MACROD2: variants seen among roughly 807,000 people sequenced by gnomAD.
The protein encoded by MACROD2 is ADP-ribose glycohydrolase MACROD2.
Under a neutral mutation model 70.4 loss-of-function variants are expected in MACROD2, and 36 were observed. That is an observed-to-expected ratio of 0.51 (90% confidence interval 0.39 to 0.68). The LOEUF (loss-of-function observed/expected upper bound fraction) is 0.68. Ranked by LOEUF, MACROD2 falls within the 30% of genes least tolerant of loss-of-function variation. MACROD2 has a pLI of 0.00. For synonymous variants in MACROD2, 172 were observed against 178.8 expected (o/e 0.96, Z 0.30); for missense variants, 496 against 538.4 (o/e 0.92, Z 0.78).
intron 8 of MACROD2, among the ~76,000 whole-genome samples, chr20:15,798,318 T>G (rs994299278): frequency 6.6e-6 from 1 of 152,184 alleles, no homozygotes; most frequent in African/African-American, 2.4e-5. Context: ...GGAAGCTCCT[T>G]CATTCACATG....
At chr20:15,137,452 C>T (rs756814896) in intron 5 of MACROD2, among the ~76,000 whole-genome samples, 1,626 of 149,704 alleles carry the variant, frequency 0.011, 12 homozygotes, top group Middle Eastern at 0.088. Flanking sequence ...AGTAAACTAT[C>T]GCAAGGACAA....
intron 5 of MACROD2, among the ~76,000 whole-genome samples, chr20:14,854,811 T>A (rs2073236447): frequency 6.6e-6 from 1 of 151,970 alleles, no homozygotes; most frequent in African/African-American, 2.4e-5. Flanking sequence ...GGCCAGGAGA[T>A]CGAGACCATC....
At chr20:14,686,962 G>C (rs948719644) in intron 5 of MACROD2, among the ~76,000 whole-genome samples, 1 of 152,080 alleles carries the variant, frequency 6.6e-6, no homozygotes, top group Non-Finnish European at 1.5e-5. Context: ...ATGGTGTTTA[G>C]AGCAGTTCTC....
chr20:14,531,775 A>G (rs2085307274), intron 4 of MACROD2, among the ~76,000 whole-genome samples: 1 of 152,178 alleles, frequency 6.6e-6, no homozygotes, highest in African/African-American at 2.4e-5. Flanking sequence ...AGCCATAAGC[A>G]GTCCAGTATC....
chr20:15,562,806 T>C (rs1049284929), intron 8 of MACROD2, among the ~76,000 whole-genome samples: 1 of 152,110 alleles, frequency 6.6e-6, no homozygotes, highest in Non-Finnish European at 1.5e-5. Context: ...ACCTTTGAAT[T>C]GTGTTGAGTA....
chr20:14,327,046 T>C, intron 3 of MACROD2: 1 of 1,613,768 alleles, frequency 6.2e-7, no homozygotes, highest in Non-Finnish European at 8.5e-7. Context: ...TCGGAGATAG[T>C]TGCTGTCTCG....
intron 3 of MACROD2, among the ~76,000 whole-genome samples, chr20:14,455,521 T>C (rs1317362966): frequency 1.3e-5 from 2 of 151,832 alleles, no homozygotes; most frequent in Non-Finnish European, 1.5e-5. Context: ...CCTGCCCCTG[T>C]GGTAACTGAG....
Position 13,995,642 on chromosome 20 carries a change from C to T in MACROD2, c.-122C>T, listed in dbSNP as rs2052625683. The T allele has an allele frequency of 1.1e-6, 1 of 879,338 alleles. No individual in the cohort carries two copies. Among genetic ancestry groups the T allele is most frequent in the Admixed American group, 1.9e-5 (1 of 51,628 alleles). 54.5% of individuals were successfully genotyped at this position (879,338 alleles called of 1,614,324 possible). On this transcript the variant is annotated 5_prime_UTR_variant, in exon 1 of 18. Transcript: ENST00000684519. This position sits in a 1 kb window ranked among gnomAD's most constrained non-coding sequence, Gnocchi z 4.3. ...GGCGAGCGGCGAGCAGCGCAGGACG[C>T]AGAGCCTCTTTCACTTTTTCCCTGC...
chr20:15,539,166 T>C (rs1002263039), intron 8 of MACROD2, among the ~76,000 whole-genome samples: 1 of 152,188 alleles, frequency 6.6e-6, no homozygotes, highest in Non-Finnish European at 1.5e-5. Flanking sequence ...CAATGATAAA[T>C]GTCTTTTGCA....
intron 3 of MACROD2, among the ~76,000 whole-genome samples, chr20:14,480,862 C>T (rs1001423107): frequency 1.1e-4 from 17 of 151,798 alleles, no homozygotes; most frequent in African/African-American, 3.9e-4. Context: ...TACTTACAGT[C>T]GATATAAATA....
At chr20:14,462,748 C>T (rs1300135877) in intron 3 of MACROD2, among the ~76,000 whole-genome samples, 1 of 152,104 alleles carries the variant, frequency 6.6e-6, no homozygotes, top group Non-Finnish European at 1.5e-5. Context: ...CAGCTTTCTA[C>T]ATATGGCTAG....
chr20:14,508,619 G>A (rs1425208730), intron 4 of MACROD2, among the ~76,000 whole-genome samples: 1 of 152,102 alleles, frequency 6.6e-6, no homozygotes, highest in East Asian at 1.9e-4. Flanking sequence ...CATGTTCCAG[G>A]CACCGTTCTA....
chr20:14,331,361 C>A (rs1396773167), intron 3 of MACROD2, among the ~76,000 whole-genome samples: 1 of 152,016 alleles, frequency 6.6e-6, no homozygotes, highest in Non-Finnish European at 1.5e-5. Flanking sequence ...GTTTATTTTA[C>A]CTGTTTTACA....
intron 3 of MACROD2, among the ~76,000 whole-genome samples, chr20:14,131,492 A>G (rs2054717900): frequency 1.3e-5 from 2 of 152,318 alleles, no homozygotes; most frequent in Admixed American, 1.3e-4. Context: ...AAGTGGTACA[A>G]TTGTCTGCAA....
chr20:14,189,851 T>C (rs1024433454), intron 3 of MACROD2, among the ~76,000 whole-genome samples: 3 of 152,220 alleles, frequency 2.0e-5, no homozygotes, highest in African/African-American at 7.2e-5. Flanking sequence ...GGTATTCTTA[T>C]GAAAATCTAA....
At chr20:15,671,791 G>T (rs1390981105) in intron 8 of MACROD2, among the ~76,000 whole-genome samples, 1 of 152,204 alleles carries the variant, frequency 6.6e-6, no homozygotes, top group African/African-American at 2.4e-5. Flanking sequence ...AACAAGTGAG[G>T]TTGAGTCTGT....
At chr20:14,242,496 G>A (rs2081937904) in intron 3 of MACROD2, among the ~76,000 whole-genome samples, 1 of 152,244 alleles carries the variant, frequency 6.6e-6, no homozygotes, top group South Asian at 2.1e-4. Context: ...AGGTCAAATA[G>A]TGACTGTGGA....
chr20:14,748,342 T>C (rs1208399184), intron 5 of MACROD2, among the ~76,000 whole-genome samples: 1 of 152,156 alleles, frequency 6.6e-6, no homozygotes, highest in East Asian at 1.9e-4. Context: ...GGAACTCCTT[T>C]TTAAATGGTT....
intron 5 of MACROD2, among the ~76,000 whole-genome samples, chr20:14,797,710 G>A (rs554251086): frequency 3.1e-4 from 47 of 152,102 alleles, no homozygotes; most frequent in Admixed American, 2.2e-3. Flanking sequence ...TTCCTGCACT[G>A]GGATATGGGC....
Sources: gnomAD v4.1 joint callset for allele counts (sites outside exome capture counted in the v4.1 genomes callset) on GRCh38, gnomAD v4.1.1 for gene constraint, Gnocchi (gnomAD v3.1) non-coding constraint, MANE v1.5 for transcripts, NCBI Gene and HGNC (gene_info 2026-07-23, HGNC 2026-07-21) for gene names.